The following KCNH1 variants were observed in gnomAD, a reference collection of about 807,000 sequenced individuals.
The protein encoded by KCNH1 is potassium voltage-gated channel subfamily H member 1, also known as voltage-gated delayed rectifier potassium channel KCNH1.
A neutral mutation model predicts 69.2 loss-of-function variants in KCNH1; 27 were observed. The ratio of observed to expected loss-of-function variants is 0.39; its 90% CI spans 0.29 to 0.54. The LOEUF (loss-of-function observed/expected upper bound fraction) is 0.54. KCNH1 is among the 20% of genes least tolerant of loss of function. KCNH1 has a pLI of 0.68. For synonymous variants in KCNH1, 456 were observed against 487.7 expected (o/e 0.93, Z 0.86); for missense variants, 798 against 1,261.6 (o/e 0.63, Z 5.57).
intron 7 of KCNH1, among the ~76,000 whole-genome samples, chr1:210,835,500 A>G (rs1044905825): frequency 2.6e-5 from 4 of 152,132 alleles, no homozygotes; most frequent in African/African-American, 9.7e-5. Context: ...AGCCTCTACC[A>G]CTAGGTGCAA....
chr1:211,035,790 C>G (rs1267456007), intron 5 of KCNH1, among the ~76,000 whole-genome samples: 1 of 152,178 alleles, frequency 6.6e-6, no homozygotes, highest in Non-Finnish European at 1.5e-5. Context: ...AATTCCCTGA[C>G]CAAAAGAGTA....
At chr1:210,685,388 T>C (rs563520047) in intron 10 of KCNH1, among the ~76,000 whole-genome samples, 1 of 152,260 alleles carries the variant, frequency 6.6e-6, no homozygotes, top group African/African-American at 2.4e-5. Context: ...TCTGGAAAAC[T>C]CTGTGCCCTG....
chr1:211,084,713 G>C (rs1690921820), intron 4 of KCNH1, among the ~76,000 whole-genome samples: 1 of 152,208 alleles, frequency 6.6e-6, no homozygotes. Context: ...GGGCAGGAAA[G>C]AAGGAAATAA....
At chr1:211,051,807 T>C (rs925073153) in intron 5 of KCNH1, among the ~76,000 whole-genome samples, 1 of 152,156 alleles carries the variant, frequency 6.6e-6, no homozygotes, top group Non-Finnish European at 1.5e-5. Context: ...TTAGGATAAG[T>C]AGTATTATAC....
intron 10 of KCNH1, among the ~76,000 whole-genome samples, chr1:210,692,123 C>A (rs563440269): frequency 8.0e-4 from 122 of 152,296 alleles, no homozygotes; most frequent in African/African-American, 2.8e-3. Context: ...TTTCTTCTGG[C>A]GTTAATCAAG....
chr1:210,916,981 C>T (rs1286211820), intron 7 of KCNH1, among the ~76,000 whole-genome samples: 1 of 151,932 alleles, frequency 6.6e-6, no homozygotes, highest in Non-Finnish European at 1.5e-5. Flanking sequence ...AACCCCATCT[C>T]CACTAAAAAT....
intron 6 of KCNH1, among the ~76,000 whole-genome samples, chr1:211,008,513 C>T (rs938344200): frequency 1.3e-5 from 2 of 152,198 alleles, no homozygotes; most frequent in African/African-American, 4.8e-5. Flanking sequence ...TACTGACACA[C>T]TCAATATGGT....
intron 5 of KCNH1, among the ~76,000 whole-genome samples, chr1:211,077,519 G>A (rs937937987): frequency 2.0e-5 from 3 of 152,080 alleles, no homozygotes; most frequent in African/African-American, 7.2e-5. Context: ...AGCTTCATAA[G>A]CAAAGGATAA....
At chr1:211,025,366 G>T (rs555515693) in intron 5 of KCNH1, among the ~76,000 whole-genome samples, 6 of 152,228 alleles carry the variant, frequency 3.9e-5, no homozygotes, top group African/African-American at 1.4e-4. Flanking sequence ...CAGAGTGTCA[G>T]TGTGCATCTT....
chr1:210,989,311 A>T (rs1288927795), intron 6 of KCNH1, among the ~76,000 whole-genome samples: 1 of 152,252 alleles, frequency 6.6e-6, no homozygotes, highest in Non-Finnish European at 1.5e-5. Context: ...GGCAAAAGAC[A>T]CAAAATACTA....
In KCNH1 at chr1:210,716,286, G is replaced by T. The variant is rs556842274; in HGVS notation, c.2113-32148C>A. Among the ~76,000 whole-genome samples, 4 of 152,090 alleles carry T rather than the reference G, an allele frequency of 2.6e-5. No homozygotes were observed. The South Asian group carries it at 8.3e-4, about 32-fold the overall frequency. ...ATCTCTACTAAAAATACAAAAATTA[G>T]CTGAGCATGGTGGTGGGCATCTGTA... On this transcript the variant is annotated intron_variant, in intron 10 of 10. Coordinates refer to ENST00000271751, the MANE Select transcript of KCNH1 (RefSeq NM_172362.3).
chr1:210,712,915 C>T (rs182200619), intron 10 of KCNH1, among the ~76,000 whole-genome samples: 1 of 152,074 alleles, frequency 6.6e-6, no homozygotes, highest in East Asian at 1.9e-4. Flanking sequence ...CACCCCTAGT[C>T]CCCCAACCCC....
At chr1:211,079,513 A>C (rs1476136660) in intron 5 of KCNH1, among the ~76,000 whole-genome samples, 4 of 152,172 alleles carry the variant, frequency 2.6e-5, no homozygotes, top group Non-Finnish European at 5.9e-5. Flanking sequence ...AAACACAACA[A>C]AAAAAGAGAA....
At chr1:210,897,497 C>T (rs1489345484) in intron 7 of KCNH1, among the ~76,000 whole-genome samples, 1 of 152,050 alleles carries the variant, frequency 6.6e-6, no homozygotes, top group Non-Finnish European at 1.5e-5. Context: ...AGTGTGTTCT[C>T]CTAGACACAG....
chr1:210,873,192 G>A (rs1686288541), intron 7 of KCNH1, among the ~76,000 whole-genome samples: 2 of 152,082 alleles, frequency 1.3e-5, no homozygotes, highest in Admixed American at 6.6e-5. Flanking sequence ...CCCATGCAAT[G>A]GTCTTGTATG....
intron 5 of KCNH1, among the ~76,000 whole-genome samples, chr1:211,071,141 GTATT>G (rs1269664338): frequency 2.6e-5 from 4 of 152,130 alleles, no homozygotes; most frequent in African/African-American, 4.8e-5. Context: ...GTAATGTACT[GTATT>G]TATCAATACC....
chr1:210,927,099 G>A (rs923243945), intron 6 of KCNH1, among the ~76,000 whole-genome samples: 1 of 152,184 alleles, frequency 6.6e-6, no homozygotes, highest in East Asian at 1.9e-4. Context: ...AGAATAATTG[G>A]TATTCCTGGG....
intron 7 of KCNH1, chr1:210,862,234 G>A: frequency 8.7e-7 from 1 of 1,146,710 alleles, no homozygotes; most frequent in Middle Eastern, 2.0e-4. Flanking sequence ...CTCTTGCAGG[G>A]CTGGGTCCAT....
intron 6 of KCNH1, among the ~76,000 whole-genome samples, chr1:210,966,968 A>G (rs1454191318): frequency 6.6e-6 from 1 of 152,248 alleles, no homozygotes; most frequent in African/African-American, 2.4e-5. Flanking sequence ...AACCAACGAA[A>G]TGCCCATCAA....
Sources: allele counts gnomAD v4.1 joint callset (sites outside exome capture counted in the v4.1 genomes callset), GRCh38; gene constraint gnomAD v4.1.1; transcripts MANE v1.5; gene names NCBI Gene and HGNC (gene_info 2026-07-23, HGNC 2026-07-21).